The following SEZ6L2 variants were observed in gnomAD, a reference collection of about 807,000 sequenced individuals.
SEZ6L2 encodes the protein seizure 6-like protein 2.
A neutral mutation model predicts 97.0 loss-of-function variants in SEZ6L2; 44 were observed. The observed-to-expected ratio is 0.45, with a 90% CI of 0.36 to 0.58. The LOEUF is 0.58. SEZ6L2 is among the 20% of genes least tolerant of loss of function. The pLI is 0.00. For synonymous variants in SEZ6L2, 543 were observed against 546.1 expected (o/e 0.99, Z 0.08); for missense variants, 1,086 against 1,233.3 (o/e 0.88, Z 1.79).
At chr16:29,898,603 C>T (rs1041119161) in intron 1 of SEZ6L2, among the ~76,000 whole-genome samples, 2 of 152,140 alleles carry the variant, frequency 1.3e-5, no homozygotes, top group South Asian at 2.1e-4. Flanking sequence ...GTGTGTACAG[C>T]GCCTGGCATC....
At chr16:29,892,371 T>C (rs1259487831) in intron 5 of SEZ6L2, among the ~76,000 whole-genome samples, 1 of 152,210 alleles carries the variant, frequency 6.6e-6, no homozygotes, top group East Asian at 1.9e-4. Context: ...CTATTTTCAG[T>C]GCCCTGGGGA....
In SEZ6L2 at chr16:29,877,457, G is replaced by A; in HGVS notation, c.1723C>T (p.Arg575Trp). 6.3e-7 allele frequency: 1 copy of A among 1,595,024 alleles called. No individual in the cohort carries two copies. The highest frequency in any genetic ancestry group is 8.5e-7 in the Non-Finnish European group (1 of 1,170,016). ...AACAGCGTCAGCATGTCCCCTTCCCGCACATTCAATCTGCAGGGGGTGAGA... is the reference window on the plus strand; with the variant it reads ...AACAGCGTCAGCATGTCCCCTTCCCACACATTCAATCTGCAGGGGGTGAGA... ...ILLQVEILNV[R>W]EGDMLTLFDG... The change falls in exon 11 of 18, where the codon CGG becomes TGG. Residue 575 changes from arginine (R) to tryptophan (W), a missense_variant. Physicochemically the swap from Arg to Trp is moderately radical, Grantham distance 101. Around this residue, in one of 2 missense-constraint regions of SEZ6L2, gnomAD observed 776 missense variants for 794.7 expected, o/e 0.98. Transcript: ENST00000617533.
At chr16:29,898,456 CCT>C (rs553466521) in intron 1 of SEZ6L2, among the ~76,000 whole-genome samples, 1 of 150,998 alleles carries the variant, frequency 6.6e-6, no homozygotes, top group Non-Finnish European at 1.5e-5. Context: ...TCCCCCCCAC[CCT>C]CTCTCTCTCT....
chr16:29,879,748 G>C, intron 9 of SEZ6L2, 116 bp downstream of exon 9: 1 of 933,694 alleles, frequency 1.1e-6, no homozygotes, highest in Non-Finnish European at 1.6e-6. Context: ...ATTTACCCAA[G>C]GCTTGGGTGG....
rs1209873404 is a variant in SEZ6L2 at position 29,876,138 on chromosome 16, T to C, written c.2104+618A>G. On this transcript the variant is annotated intron_variant, in intron 12 of 17. Transcript: ENST00000617533. The surrounding 1 kb of genome is among the most constrained non-coding windows in gnomAD (Gnocchi z 6.5). ...CCAAGCCTCAGAAATGCTAAGTGCC[T>C]CGCCCAAAGTCACCCAGTGATCACC... Among the ~76,000 whole-genome samples the C allele has an allele frequency of 6.6e-6, 1 of 152,034 alleles. No individual in the cohort carries two copies. Among genetic ancestry groups the C allele is most frequent in the African/African-American group, 2.4e-5 (1 of 41,370 alleles).
chr16:29,895,548 T>C (rs2068367024), intron 4 of SEZ6L2, 88 bp from the exon 5 acceptor site: 1 of 1,485,040 alleles, frequency 6.7e-7, no homozygotes, highest in Non-Finnish European at 9.2e-7. Context: ...GCCCTGTGTG[T>C]AGCAGCCCAA....
chr16:29,898,963 C>T lies in SEZ6L2; in HGVS notation c.57G>A (p.Leu19=). Residue 19 remains leucine (L), a synonymous_variant, in exon 1 of 18, where the codon CTG becomes CTA. Coordinates refer to ENST00000617533, the MANE Select transcript of SEZ6L2 (RefSeq NM_001243332.2). ...TACCCTGGATCCAGGGACAGCTCAG[C>T]AGAATTAGGAACAGCAGCTGGGGAG... ...PPPPQLLFLI[L]LSCPWIQGLP... is the part of the protein sequence containing the mutation. The T allele has an allele frequency of 6.2e-7, 1 of 1,611,870 alleles. No individual in the cohort carries two copies. The highest frequency in any genetic ancestry group is 1.3e-5 in the African/African-American group (1 of 74,930).
intron 8 of SEZ6L2, 130 bp from the exon 9 acceptor site, chr16:29,880,194 G>A: frequency 4.9e-6 from 4 of 815,544 alleles, no homozygotes; most frequent in Non-Finnish European, 7.5e-6. Context: ...AAACAGTCTT[G>A]TGCTGTCGCC....
intron 12 of SEZ6L2, among the ~76,000 whole-genome samples, chr16:29,875,661 C>CTTTTTTTTTT (rs149293940): frequency 3.2e-4 from 36 of 112,706 alleles, no homozygotes; most frequent in African/African-American, 4.2e-4. Context: ...TTCTTTCTTT[C>CTTTTTTTTTT]TTTCTTTTTT....
At chr16:29,886,574 G>C (rs149791629) in intron 7 of SEZ6L2, among the ~76,000 whole-genome samples, 1 of 150,554 alleles carries the variant, frequency 6.6e-6, no homozygotes, top group East Asian at 2.0e-4. Flanking sequence ...CCAGCTACTC[G>C]GGAGGCTAAG....
intron 6 of SEZ6L2, among the ~76,000 whole-genome samples, chr16:29,888,101 A>T (rs1012588581): frequency 6.6e-6 from 1 of 152,090 alleles, no homozygotes; most frequent in Non-Finnish European, 1.5e-5. Context: ...TAGGATGGGG[A>T]GTTACAAGGA....
Position 29,873,241 on chromosome 16 carries a change from T to G in SEZ6L2, c.2487A>C (p.Lys829Asn). The change falls in exon 14 of 18, where the codon AAA becomes AAC. Residue 829 changes from lysine (K) to asparagine (N), a missense_variant and splice_region_variant. Physicochemically the swap from Lys to Asn is moderately conservative, Grantham distance 94. Coordinates refer to ENST00000617533, the MANE Select transcript of SEZ6L2 (RefSeq NM_001243332.2). The surrounding 1 kb of genome is among the most constrained non-coding windows in gnomAD (Gnocchi z 4.3). ...CTCCTGCCCTGTCTGGCCAGGCACCTTTGCAGAGTGGGGGCTGGCTGGTCC... is the reference window on the plus strand; with the variant it reads ...CTCCTGCCCTGTCTGGCCAGGCACCGTTGCAGAGTGGGGGCTGGCTGGTCC... ...SQWTSQPPLC[K>N]VAYEELLDNR... The G allele has an allele frequency of 1.9e-6, 3 of 1,613,734 alleles. No individual in the cohort carries two copies. Among genetic ancestry groups the G allele is most frequent in the Non-Finnish European group, 2.5e-6 (3 of 1,179,916 alleles).
chr16:29,899,008 G>T lies in SEZ6L2; in HGVS notation c.12C>A (p.Pro4=). 1 of 1,610,264 alleles carries T rather than the reference G, an allele frequency of 6.2e-7. No homozygotes were observed. The highest frequency in any genetic ancestry group is 1.3e-5 in the African/African-American group (1 of 74,902). Residue 4 remains proline (P), a synonymous_variant, in exon 1 of 18, where the codon CCC becomes CCA. Coordinates refer to ENST00000617533, the MANE Select transcript of SEZ6L2 (RefSeq NM_001243332.2). MGT[P]RAQHPPPPQL... ...GGGGAGGCGGCGGGTGCTGGGCCCT[G>T]GGAGTCCCCATGGCGACTCACCCCG...
In SEZ6L2 at chr16:29,876,440, A is replaced by C. The variant is rs1171920930; in HGVS notation, c.2104+316T>G. 6.6e-6 allele frequency among the ~76,000 whole-genome samples: 1 copy of C among 152,024 alleles called. No homozygotes were observed. The highest frequency in any genetic ancestry group is 1.5e-5 in the Non-Finnish European group (1 of 67,996). On this transcript the variant is annotated intron_variant, in intron 12 of 17. Transcript: ENST00000617533. This position sits in a 1 kb window ranked among gnomAD's most constrained non-coding sequence, Gnocchi z 6.5. ...GAGCCCTTTTAGGGGCCAAACTCAG[A>C]TGCCGCAGAGGAGGGGTCAGGAGGG...
chr16:29,893,639 C>G (rs1345201728), intron 5 of SEZ6L2, among the ~76,000 whole-genome samples: 3 of 145,934 alleles, frequency 2.1e-5, no homozygotes, highest in African/African-American at 7.7e-5. Flanking sequence ...CAAAGTGAGA[C>G]TCTGTCTCAA....
At chr16:29,874,356 C>T (rs965529932) in intron 12 of SEZ6L2, among the ~76,000 whole-genome samples, 16 of 152,010 alleles carry the variant, frequency 1.1e-4, no homozygotes, top group Admixed American at 9.8e-4. Context: ...TTAGAGGGGG[C>T]CCAGCTCTCC....
In SEZ6L2 at chr16:29,871,451, C is replaced by T; in HGVS notation, c.*248G>A. ...GAGGCAGAGTTCCCCTCCCAGAATCCAAAAGCCGGTAGGGCGGGGGGCAGG... is the reference window on the plus strand; with the variant it reads ...GAGGCAGAGTTCCCCTCCCAGAATCTAAAAGCCGGTAGGGCGGGGGGCAGG... On this transcript the variant is annotated 3_prime_UTR_variant, in exon 18 of 18. Coordinates refer to ENST00000617533, the MANE Select transcript of SEZ6L2 (RefSeq NM_001243332.2). The T allele has an allele frequency of 1.7e-6, 1 of 583,548 alleles. No individual in the cohort carries two copies. Among genetic ancestry groups the T allele is most frequent in the Non-Finnish European group, 3.1e-6 (1 of 326,830 alleles). 36.1% of individuals were successfully genotyped at this position (583,548 alleles called of 1,614,324 possible). A position where few individuals can be genotyped will look rare whatever the true frequency, so the allele number is the denominator to read the frequency against.
Position 29,878,339 on chromosome 16 carries a change from C to T in SEZ6L2, c.1660G>A (p.Val554Met). The change falls in exon 10 of 18, where the codon GTG becomes ATG. Residue 554 changes from valine to methionine, a missense_variant. By Grantham distance (21) the Val-to-Met change is conservative. Coordinates refer to ENST00000617533, the MANE Select transcript of SEZ6L2 (RefSeq NM_001243332.2). The stretch of plus-strand genomic sequence containing the variant: ...TCTTCCTGGACGTGCACGCCCCACA[C>T]GCAGTCTTGGCCCGGGCTATAGCTC... ...PQSYSPGQDC[V>M]WGVHVQEEKR... 1.2e-6 allele frequency: 2 copies of T among 1,602,366 alleles called. No homozygotes were observed. The highest frequency in any genetic ancestry group is 1.7e-5 in the Admixed American group (1 of 58,452).
Position 29,899,419 on chromosome 16 carries a change from TTAGGGTGGGG to T in SEZ6L2, c.-410_-401del, listed in dbSNP as rs1279001237. 1 of 207,202 alleles carries T rather than the reference TTAGGGTGGGG, an allele frequency of 4.8e-6. No homozygotes were observed. The highest frequency in any genetic ancestry group is 2.7e-5 in the African/African-American group (1 of 37,094). 12.8% of individuals were successfully genotyped at this position (207,202 alleles called of 1,614,324 possible). On this transcript the variant is annotated 5_prime_UTR_variant, in exon 1 of 18. Transcript: ENST00000617533. ...GAGGAGAAAGACAGCTTCTGGGGGTTTAGGGTGGGGTCGAGGATCGAGGGGGTCTCCACTG... is the reference window on the plus strand; with the variant it reads ...GAGGAGAAAGACAGCTTCTGGGGGTTTCGAGGATCGAGGGGGTCTCCACTG...
Sources: gnomAD v4.1 joint callset for allele counts (sites outside exome capture counted in the v4.1 genomes callset) on GRCh38, gnomAD v4.1.1 for gene constraint, gnomAD v4.1.1 regional missense constraint, Gnocchi (gnomAD v3.1) non-coding constraint, MANE v1.5 for transcripts, NCBI Gene and HGNC (gene_info 2026-07-23, HGNC 2026-07-21) for gene names.